PKD1L3: variants seen among roughly 807,000 people sequenced by gnomAD.
The protein encoded by PKD1L3 is polycystin-1-like protein 3.
A neutral mutation model predicts 184.1 loss-of-function variants in PKD1L3; 239 were observed. That is an observed-to-expected ratio of 1.30 (90% CI 1.17 to 1.45). PKD1L3 has a LOEUF of 1.45. PKD1L3 is among the 40% of genes most tolerant of loss of function. The pLI is 0.00. For missense variants in PKD1L3, 2,660 were observed against 2,067.2 expected (o/e 1.29, Z -5.56); for synonymous variants, 996 against 778.8 (o/e 1.28, Z -4.64).
At chr16:71,963,075 T>C (rs2039343436) in intron 16 of PKD1L3, 130 bp downstream of exon 16, 1 of 1,004,472 alleles carries the variant, frequency 1.0e-6, no homozygotes, top group Non-Finnish European at 1.4e-6. Context: ...ACCACAACAG[T>C]AATGCTTATG....
At chr16:71,966,936 C>T (rs1002081806) in intron 15 of PKD1L3, among the ~76,000 whole-genome samples, 1 of 152,136 alleles carries the variant, frequency 6.6e-6, no homozygotes, top group South Asian at 2.1e-4. Flanking sequence ...TATTATTCTA[C>T]TATCCAAAAA....
At chr16:71,941,587 T>C (rs1292691616) in intron 24 of PKD1L3, among the ~76,000 whole-genome samples, 4 of 145,262 alleles carry the variant, frequency 2.8e-5, no homozygotes, top group Non-Finnish European at 1.5e-5. Context: ...CATTCTTTTT[T>C]TTTTTTTTTT....
chr16:71,930,069 C>G lies in PKD1L3; in HGVS notation c.5041G>C (p.Glu1681Gln), dbSNP rs1567480860. ...VSAILMAFGKERKSLKKEAAL... is the reference protein window; with the variant it reads ...VSAILMAFGKQRKSLKKEAAL... ...TTACCTACCTTAAGCGACTTTCTTT[C>G]TTTTCCAAAGGCCATGAGAATGGCC... The change falls in exon 29 of 30, where the codon GAA (glutamate) becomes CAA (glutamine). Residue 1681 changes from glutamate to glutamine, a missense_variant. Coordinates refer to ENST00000620267, the MANE Select transcript of PKD1L3 (RefSeq NM_181536.2). The G allele has an allele frequency of 6.5e-7, 1 of 1,549,166 alleles. No homozygotes were observed. The highest frequency in any genetic ancestry group is 8.7e-7 in the Non-Finnish European group (1 of 1,146,196).
intron 4 of PKD1L3, among the ~76,000 whole-genome samples, chr16:71,988,532 G>C (rs2040465488): frequency 6.6e-6 from 1 of 152,202 alleles, no homozygotes; most frequent in Non-Finnish European, 1.5e-5. Context: ...TGGTGACTTG[G>C]ACCATGTGGT....
chr16:71,940,787 A>G (rs1322889392), intron 24 of PKD1L3, among the ~76,000 whole-genome samples: 2 of 151,508 alleles, frequency 1.3e-5, no homozygotes, highest in Non-Finnish European at 2.9e-5. Flanking sequence ...GGTGTGAGCT[A>G]CCATGCCCAG....
intron 22 of PKD1L3, among the ~76,000 whole-genome samples, chr16:71,945,247 A>C (rs573360317): frequency 6.0e-4 from 79 of 132,720 alleles, no homozygotes; most frequent in African/African-American, 1.9e-3. Flanking sequence ...AGTGAGGCCT[A>C]AGATTCTGAA....
chr16:71,941,487 A>T (rs563027829), intron 24 of PKD1L3, among the ~76,000 whole-genome samples: 1 of 152,108 alleles, frequency 6.6e-6, no homozygotes, highest in Non-Finnish European at 1.5e-5. Flanking sequence ...AAAAGTGAAC[A>T]GAAAAAATGG....
intron 10 of PKD1L3, among the ~76,000 whole-genome samples, 197 bp from the exon 11 acceptor site, chr16:71,977,664 T>A (rs1346287469): frequency 6.6e-6 from 1 of 151,700 alleles, no homozygotes; most frequent in African/African-American, 2.4e-5. Context: ...CTCAAAATGC[T>A]AGGATTATAT....
rs1334692877 is a variant in PKD1L3, at chr16:71,970,045, C to T, written c.2014G>A (p.Ala672Thr). The stretch of plus-strand genomic sequence containing the variant: ...CTGGGCACGACAAAGAAGTCGCTGG[C>T]AAAGAAGGTCAGGTGGTTACAGAGA... ...QCLCNHLTFF[A>T]SDFFVVPRTV... The change falls in exon 13 of 30, where the codon GCC (alanine) becomes ACC (threonine). Residue 672 changes from alanine to threonine, a missense_variant. By Grantham distance (58) the Ala-to-Thr change is moderately conservative (BLOSUM62 0). Transcript: ENST00000620267. 6.4e-7 allele frequency: 1 copy of T among 1,551,654 alleles called. No individual in the cohort carries two copies. Among genetic ancestry groups the T allele is most frequent in the East Asian group, 2.4e-5 (1 of 40,910 alleles).
At chr16:71,951,384 A>G (rs569629855) in intron 19 of PKD1L3, among the ~76,000 whole-genome samples, 180 bp downstream of exon 19, 2 of 152,186 alleles carry the variant, frequency 1.3e-5, no homozygotes, top group Non-Finnish European at 2.9e-5. Context: ...ATAGAGAAAG[A>G]TTGTCTACAA....
chr16:71,979,532 G>A (rs2040068692), intron 9 of PKD1L3, among the ~76,000 whole-genome samples: 1 of 152,132 alleles, frequency 6.6e-6, no homozygotes, highest in Admixed American at 6.6e-5. Flanking sequence ...AAACTGCAGA[G>A]TTGAAATCAA....
At chr16:71,963,454 A>G in intron 15 of PKD1L3, 103 bp from the exon 16 acceptor site, 1 of 1,229,838 alleles carries the variant, frequency 8.1e-7, no homozygotes, top group Non-Finnish European at 1.1e-6. Context: ...AAGTAAATGA[A>G]CTGTTTCATT....
At chr16:71,960,360 T>C (rs1426560504) in intron 16 of PKD1L3, among the ~76,000 whole-genome samples, 1 of 152,178 alleles carries the variant, frequency 6.6e-6, no homozygotes, top group Non-Finnish European at 1.5e-5. Context: ...TCTGGTTTTT[T>C]AAACATCCAG....
chr16:71,947,616 C>T (rs561136791), intron 21 of PKD1L3, 25 bp from the exon 22 acceptor site: 51 of 1,429,518 alleles, frequency 3.6e-5, no homozygotes, highest in East Asian at 1.7e-4. Context: ...CACAGAACAT[C>T]GTGAGCAGAC....
chr16:71,955,479 CAG>C, intron 16 of PKD1L3, among the ~76,000 whole-genome samples: 1 of 151,822 alleles, frequency 6.6e-6, no homozygotes. Context: ...ACACACATAA[CAG>C]AATATCATTT....
chr16:71,936,976 A>G (rs756053754), intron 25 of PKD1L3, among the ~76,000 whole-genome samples: 12 of 152,222 alleles, frequency 7.9e-5, no homozygotes, highest in Admixed American at 2.0e-4. Flanking sequence ...AATTATAGCC[A>G]TAATTCTAGT....
intron 19 of PKD1L3, among the ~76,000 whole-genome samples, chr16:71,951,067 A>G (rs1458309650): frequency 6.7e-6 from 1 of 149,294 alleles, no homozygotes; most frequent in East Asian, 2.0e-4. Context: ...TTTTCAAGAC[A>G]GAGCCTATGT....
Position 71,968,443 on chromosome 16 carries a change from C to T in PKD1L3, c.2185-436G>A, listed in dbSNP as rs925602985. On this transcript the variant is annotated intron_variant, in intron 13 of 29. Transcript: ENST00000620267. ...TATTTTTGTTTACTAATGCTGACAA[C>T]CCTACACCCAGGGCAACAAGAAGTG... is the stretch of plus-strand genomic sequence containing the variant. 2.0e-5 allele frequency among the ~76,000 whole-genome samples: 3 copies of T among 152,122 alleles called. 1 individual carries two copies. The highest frequency in any genetic ancestry group is 4.4e-5 in the Non-Finnish European group (3 of 68,022).
intron 18 of PKD1L3, 127 bp downstream of exon 18, chr16:71,952,767 T>C: frequency 1.0e-6 from 1 of 1,004,572 alleles, no homozygotes; most frequent in Non-Finnish European, 1.4e-6. Context: ...GCCGGGAGTT[T>C]GAGGCTGCCA....
Sources: allele counts gnomAD v4.1 joint callset (sites outside exome capture counted in the v4.1 genomes callset), GRCh38; gene constraint gnomAD v4.1.1; transcripts MANE v1.5; gene names NCBI Gene and HGNC (gene_info 2026-07-23, HGNC 2026-07-21).